TOX: variants seen among roughly 807,000 people sequenced by gnomAD.
The protein encoded by TOX is thymocyte selection-associated high mobility group box protein TOX.
In TOX, 11 loss-of-function variants were observed where a neutral mutation model predicts 53.7. The ratio of observed to expected loss-of-function variants is 0.20; its 90% CI spans 0.13 to 0.34. The LOEUF is 0.34. TOX is among the 10% of genes least tolerant of loss of function. TOX has a pLI of 1.00. For synonymous variants in TOX, 225 were observed against 245.3 expected, an observed-to-expected ratio of 0.92 and a Z score of 0.77; for missense variants, 570 against 664.6, an observed-to-expected ratio of 0.86 and a Z score of 1.56.
At chr8:58,884,151 A>G (rs1381407559) in intron 3 of TOX, among the ~76,000 whole-genome samples, 1 of 152,232 alleles carries the variant, frequency 6.6e-6, no homozygotes, top group Non-Finnish European at 1.5e-5. Flanking sequence ...ATATCCTTTT[A>G]GGATGTATTC....
chr8:58,889,220 AAAAAAAAAAAAAC>A (rs991145006), intron 3 of TOX, among the ~76,000 whole-genome samples: 3 of 150,912 alleles, frequency 2.0e-5, no homozygotes, highest in African/African-American at 7.3e-5. Context: ...AGCAAAAAAA[AAAAAAAAAAAAAC>A]AAAAAACCCT....
At chr8:59,025,828 T>C (rs922770067) in intron 1 of TOX, among the ~76,000 whole-genome samples, 4 of 152,170 alleles carry the variant, frequency 2.6e-5, no homozygotes, top group Non-Finnish European at 4.4e-5. Flanking sequence ...CCAGTGTTCA[T>C]AGGACTGCCT....
At chr8:59,099,702 T>C (rs1052709973) in intron 1 of TOX, among the ~76,000 whole-genome samples, 2 of 152,230 alleles carry the variant, frequency 1.3e-5, no homozygotes, top group Non-Finnish European at 2.9e-5. Flanking sequence ...ATTTTAACTA[T>C]GTCCTATTAT....
intron 3 of TOX, among the ~76,000 whole-genome samples, chr8:58,896,126 C>T (rs1004130817): frequency 6.6e-6 from 1 of 152,094 alleles, no homozygotes; most frequent in Non-Finnish European, 1.5e-5. Flanking sequence ...TTGCTTCCTA[C>T]GTTTGGCTAT....
intron 1 of TOX, among the ~76,000 whole-genome samples, chr8:58,968,810 A>G (rs2129179420): frequency 6.6e-6 from 1 of 152,284 alleles, no homozygotes; most frequent in Admixed American, 6.5e-5. Flanking sequence ...AAAAAATAAG[A>G]CTAGTAAGTC....
At chr8:58,890,819 T>C (rs1336100443) in intron 3 of TOX, among the ~76,000 whole-genome samples, 1 of 152,106 alleles carries the variant, frequency 6.6e-6, no homozygotes, top group African/African-American at 2.4e-5. Context: ...GATGTGTCAG[T>C]CCCCTAAATA....
rs1418513004 is a variant in TOX, at chr8:58,826,809, A to G, written c.1005+13T>C. On this transcript the variant is annotated intron_variant, in intron 6 of 8. Coordinates refer to ENST00000361421, the MANE Select transcript of TOX (RefSeq NM_014729.3). ...GCCACAATCCTTCACAATATCACAC[A>G]ACTGCACGTTACCTTGGATACAAGG... 1.9e-5 allele frequency: 31 copies of G among 1,598,958 alleles called. No homozygotes were observed. Among genetic ancestry groups the G allele is most frequent in the Non-Finnish European group, 2.6e-5 (31 of 1,173,896 alleles).
chr8:59,061,664 A>G (rs2129421982), intron 1 of TOX, among the ~76,000 whole-genome samples: 1 of 152,096 alleles, frequency 6.6e-6, no homozygotes, highest in Non-Finnish European at 1.5e-5. Flanking sequence ...AGAGGATGGC[A>G]ACCCCTTGAA....
chr8:58,913,800 C>T (rs1013011908), intron 3 of TOX, among the ~76,000 whole-genome samples: 2 of 110,528 alleles, frequency 1.8e-5, no homozygotes, highest in African/African-American at 3.1e-5. Context: ...TATTTATTGC[C>T]GGATTTTTAG....
intron 1 of TOX, among the ~76,000 whole-genome samples, chr8:58,971,321 G>T (rs1812998551): frequency 6.6e-6 from 1 of 152,232 alleles, no homozygotes; most frequent in South Asian, 2.1e-4. Flanking sequence ...TCTCTTGTAG[G>T]TAAGGCAGAA....
At chr8:58,900,813 T>C (rs1309488795) in intron 3 of TOX, among the ~76,000 whole-genome samples, 3 of 152,092 alleles carry the variant, frequency 2.0e-5, no homozygotes, top group Non-Finnish European at 4.4e-5. Context: ...AGAATAAAAT[T>C]AAGATAAAAT....
intron 3 of TOX, among the ~76,000 whole-genome samples, chr8:58,911,668 G>GA (rs1811909339): frequency 6.6e-6 from 1 of 151,908 alleles, no homozygotes; most frequent in Admixed American, 6.6e-5. Flanking sequence ...TCTCTGAGCA[G>GA]AAAAAAACAC....
chr8:58,854,823 A>T (rs1378992906), intron 3 of TOX, among the ~76,000 whole-genome samples: 2 of 152,174 alleles, frequency 1.3e-5, no homozygotes, highest in Non-Finnish European at 2.9e-5. Context: ...GAGTATTTCC[A>T]CTTACCTTGT....
intron 1 of TOX, among the ~76,000 whole-genome samples, chr8:59,026,454 T>G (rs139881743): frequency 6.6e-6 from 1 of 152,194 alleles, no homozygotes; most frequent in East Asian, 1.9e-4. Context: ...ATGAGATTGA[T>G]CACTTTTCTG....
chr8:59,004,450 C>G (rs1327963985), intron 1 of TOX, among the ~76,000 whole-genome samples: 1 of 152,168 alleles, frequency 6.6e-6, no homozygotes, highest in African/African-American at 2.4e-5. Flanking sequence ...AGCCATCATT[C>G]TAAGGGCTAA....
intron 3 of TOX, among the ~76,000 whole-genome samples, chr8:58,902,084 T>C (rs2129172883): frequency 6.6e-6 from 1 of 152,352 alleles, no homozygotes; most frequent in East Asian, 1.9e-4. Context: ...CCATATTTTA[T>C]AAATATTTCT....
At chr8:58,965,894 G>GCTTTTTTTTTTTT (rs1374766431) in intron 1 of TOX, among the ~76,000 whole-genome samples, 1 of 49,616 alleles carries the variant, frequency 2.0e-5, no homozygotes, top group African/African-American at 7.7e-5. Flanking sequence ...ACGAGTCATC[G>GCTTTTTTTTTTTT]TTTTTTTTTT....
chr8:58,938,297 A>G (rs183432634), intron 3 of TOX, among the ~76,000 whole-genome samples: 10 of 152,346 alleles, frequency 6.6e-5, no homozygotes, highest in Non-Finnish European at 1.5e-4. Context: ...ATAATATGAA[A>G]TGTGTTTTTT....
intron 1 of TOX, among the ~76,000 whole-genome samples, chr8:59,033,153 G>C (rs1193531762): frequency 6.6e-6 from 1 of 152,178 alleles, no homozygotes; most frequent in African/African-American, 2.4e-5. Flanking sequence ...CCAAAACTTG[G>C]CTATGCCCAT....
Sources: gnomAD v4.1 joint callset for allele counts (sites outside exome capture counted in the v4.1 genomes callset) on GRCh38, gnomAD v4.1.1 for gene constraint, MANE v1.5 for transcripts, NCBI Gene and HGNC (gene_info 2026-07-23, HGNC 2026-07-21) for gene names.